Variants in CUBN observed in about 807,000 individuals in gnomAD.
CUBN encodes the protein 460 kDa receptor.
In CUBN, 282 loss-of-function variants were observed where a neutral mutation model predicts 405.3. That is an observed-to-expected ratio of 0.70 (90% CI 0.63 to 0.77). The LOEUF is 0.77. Ranked by LOEUF, CUBN falls within the 30% of genes least tolerant of loss-of-function variation. The pLI, the probability that CUBN is intolerant of heterozygous loss-of-function variation, is 0.00. For synonymous variants in CUBN, 1,684 were observed against 1,617.0 expected, an observed-to-expected ratio of 1.04 and a Z score of -0.99; for missense variants, 4,514 against 4,475.2, an observed-to-expected ratio of 1.01 and a Z score of -0.25.
intron 28 of CUBN, among the ~76,000 whole-genome samples, chr10:16,997,603 C>T (rs998213504): frequency 2.0e-5 from 3 of 152,114 alleles, no homozygotes; most frequent in Admixed American, 6.6e-5. Flanking sequence ...AGTGAGTATA[C>T]AGGCCTCACT....
At chr10:17,011,387 C>T (rs970186736) in intron 28 of CUBN, among the ~76,000 whole-genome samples, 3 of 152,086 alleles carry the variant, frequency 2.0e-5, no homozygotes, top group Non-Finnish European at 2.9e-5. Flanking sequence ...TGCAGACCTT[C>T]ACCATGAGTG....
At chr10:17,081,402 T>A (rs1835963951) in intron 17 of CUBN, among the ~76,000 whole-genome samples, 1 of 152,182 alleles carries the variant, frequency 6.6e-6, no homozygotes, top group Non-Finnish European at 1.5e-5. Context: ...GTGGACTGCT[T>A]TTACTCATCA....
At chr10:16,892,292 AAAAGT>A (rs1265613354) in intron 54 of CUBN, among the ~76,000 whole-genome samples, 1 of 152,168 alleles carries the variant, frequency 6.6e-6, no homozygotes. Context: ...TACTGAGAAC[AAAAGT>A]GCAGATATTC....
chr10:16,920,870 A>G (rs1842014217), intron 43 of CUBN, among the ~76,000 whole-genome samples: 2 of 152,206 alleles, frequency 1.3e-5, no homozygotes. Flanking sequence ...CAACTCTAGA[A>G]CATTTGTGTC....
At chr10:16,878,256 C>A (rs1316463053) in intron 56 of CUBN, among the ~76,000 whole-genome samples, 3 of 152,086 alleles carry the variant, frequency 2.0e-5, no homozygotes, top group Admixed American at 6.6e-5. Context: ...CCACTTCACT[C>A]CAGCCTGGGT....
intron 34 of CUBN, 73 bp from the exon 35 acceptor site, chr10:16,948,679 C>A: frequency 6.3e-7 from 1 of 1,581,736 alleles, no homozygotes; most frequent in Non-Finnish European, 8.6e-7. Flanking sequence ...GGAAACACAT[C>A]TTTACTCGAA....
chr10:16,949,671 T>C (rs1842878527), intron 34 of CUBN, among the ~76,000 whole-genome samples: 1 of 152,098 alleles, frequency 6.6e-6, no homozygotes, highest in Non-Finnish European at 1.5e-5. Flanking sequence ...AAGAACTTGG[T>C]CAAATATTAA....
intron 31 of CUBN, among the ~76,000 whole-genome samples, chr10:16,978,813 A>G (rs941870239): frequency 6.6e-6 from 1 of 152,222 alleles, no homozygotes; most frequent in Admixed American, 6.5e-5. Context: ...AACCACTCCT[A>G]TTCAACATAG....
chr10:17,095,964 A>G (rs918288341), intron 14 of CUBN, among the ~76,000 whole-genome samples: 3 of 152,128 alleles, frequency 2.0e-5, no homozygotes, highest in Non-Finnish European at 2.9e-5. Context: ...TTAAAAAGAA[A>G]AGGAAATCCT....
chr10:17,012,792 G>A (rs543601780), intron 28 of CUBN, among the ~76,000 whole-genome samples: 1 of 152,298 alleles, frequency 6.6e-6, no homozygotes, highest in South Asian at 2.1e-4. Flanking sequence ...CAATTATTGG[G>A]CAATTTTCCT....
At position 16,876,898 on chromosome 10, in the gene CUBN, G is replaced by C; in HGVS notation, c.9105C>G (p.Ile3035Met). The change falls in exon 57 of 67, where the codon ATC becomes ATG. Residue 3035 changes from isoleucine to methionine, a missense_variant and splice_region_variant. This residue lies in a region of CUBN where 1,186 missense variants were observed against 1,186.9 expected (regional missense o/e 1.00). Coordinates refer to ENST00000377833, the MANE Select transcript of CUBN (RefSeq NM_001081.4). ...AACTCTGTCATTATGGCTACTCACA[G>C]ATTATCCTATAGGAAAACTTGAATC... is the stretch of plus-strand genomic sequence containing the variant. Reference protein sequence around the residue: ...DFGFKFSYRIISCGGVFNFSS... With the variant: ...DFGFKFSYRIMSCGGVFNFSS... The C allele has an allele frequency of 6.2e-7, 1 of 1,613,366 alleles. No homozygotes were observed. The highest frequency in any genetic ancestry group is 8.5e-7 in the Non-Finnish European group (1 of 1,179,396).
intron 28 of CUBN, among the ~76,000 whole-genome samples, chr10:17,001,242 T>C (rs1564471598): frequency 1.3e-5 from 2 of 152,152 alleles, no homozygotes; most frequent in Non-Finnish European, 1.5e-5. Context: ...AGCAGCAAGA[T>C]TTATTGTGAA....
At chr10:16,987,132 C>T (rs1833448779) in intron 29 of CUBN, among the ~76,000 whole-genome samples, 1 of 152,154 alleles carries the variant, frequency 6.6e-6, no homozygotes, top group Non-Finnish European at 1.5e-5. Flanking sequence ...TCCTTTTCTG[C>T]CTAATGCCAG....
chr10:16,898,722 A>T (rs1039804488), intron 54 of CUBN, among the ~76,000 whole-genome samples: 6 of 152,090 alleles, frequency 3.9e-5, no homozygotes, highest in Non-Finnish European at 8.8e-5. Context: ...CTGCTCCTTC[A>T]ACGTTCCGTA....
intron 4 of CUBN, among the ~76,000 whole-genome samples, chr10:17,124,675 G>C (rs187780589): frequency 6.6e-6 from 1 of 152,080 alleles, no homozygotes; most frequent in Non-Finnish European, 1.5e-5. Flanking sequence ...TGATCCGCCC[G>C]CCTCAGCCTC....
intron 60 of CUBN, among the ~76,000 whole-genome samples, chr10:16,847,717 C>A (rs1319403781): frequency 6.6e-6 from 1 of 152,166 alleles, no homozygotes; most frequent in East Asian, 1.9e-4. Context: ...TGCTCAGTGA[C>A]ATGCACAATT....
At chr10:16,945,202 C>CA (rs142713817) in intron 36 of CUBN, among the ~76,000 whole-genome samples, 20,064 of 145,736 alleles carry the variant, frequency 0.14, 1,664 homozygotes, top group Middle Eastern at 0.19. Flanking sequence ...AGGAAAAGAC[C>CA]AAAAAAAAAA....
rs115868837 is a variant in CUBN at position 16,932,634 on chromosome 10, C to G, written c.6124+453G>C. ...AGAGACAGGGTCTCATTCTGCTGCC[C>G]AGGCTGGTCTGGAACTCTTGGACTC... On this transcript the variant is annotated intron_variant, in intron 40 of 66. Coordinates refer to ENST00000377833, the MANE Select transcript of CUBN (RefSeq NM_001081.4). Among the ~76,000 whole-genome samples, 1,175 of 152,244 alleles carry G rather than the reference C, an allele frequency of 7.7e-3. 11 individuals carry two copies. The highest frequency in any genetic ancestry group is 0.027 in the African/African-American group (1,125 of 41,546).
chr10:16,856,844 T>G (rs1001713489), intron 59 of CUBN, among the ~76,000 whole-genome samples: 1 of 152,168 alleles, frequency 6.6e-6, no homozygotes, highest in Non-Finnish European at 1.5e-5. Flanking sequence ...GAAGCTTTAC[T>G]GGAAACTACA....
Sources: gnomAD v4.1 joint callset for allele counts (sites outside exome capture counted in the v4.1 genomes callset) on GRCh38, gnomAD v4.1.1 for gene constraint, gnomAD v4.1.1 regional missense constraint, MANE v1.5 for transcripts, NCBI Gene and HGNC (gene_info 2026-07-23, HGNC 2026-07-21) for gene names.